Variants in VAC14 observed in about 807,000 individuals in gnomAD.
The protein encoded by VAC14 is protein VAC14 homolog.
In VAC14, 47 loss-of-function variants were observed where a neutral mutation model predicts 85.3. That is an observed-to-expected ratio of 0.55 (90% CI 0.44 to 0.70). The LOEUF is 0.70. Ranked by LOEUF, VAC14 falls within the 30% of genes least tolerant of loss-of-function variation. The probability of loss-of-function intolerance (pLI) is 0.00; values close to 1 mark genes in which losing one functional copy is unlikely to be tolerated. For synonymous variants in VAC14, 447 were observed against 430.5 expected (o/e 1.04, Z -0.47); for missense variants, 861 against 1,004.3 (o/e 0.86, Z 1.93).
chr16:70,764,254 G>A (rs564945995), intron 10 of VAC14, among the ~76,000 whole-genome samples: 207 of 152,236 alleles, frequency 1.4e-3, no homozygotes, highest in Non-Finnish European at 2.6e-3. Context: ...CACATTTCAG[G>A]GGCAAGAGTG....
In VAC14 at chr16:70,707,708, G is replaced by A. The variant is rs143831796; in HGVS notation, c.1662-8897C>T. ...TTCTGAACTGCCCAGGGTGGAGTCA[G>A]ATGACCCTTGCTGCCACGGGAGGGG... On this transcript the variant is annotated intron_variant, in intron 14 of 18. Coordinates refer to ENST00000261776, the MANE Select transcript of VAC14 (RefSeq NM_018052.5). Among the ~76,000 whole-genome samples, 1,159 of 152,278 alleles carry A rather than the reference G, an allele frequency of 7.6e-3. 15 individuals carry two copies. The highest frequency in any genetic ancestry group is 0.026 in the African/African-American group (1,076 of 41,558).
rs2030686650 is a variant in VAC14, at chr16:70,744,582, G to A, written c.1372-3C>T. On this transcript the variant is annotated splice_polypyrimidine_tract_variant and splice_region_variant and intron_variant, in intron 12 of 18. Transcript: ENST00000261776. ...ACCTCCAGGTCCTTCAGGATCACCTGGGGAGAGAAGCGGGGCAGGAGGGAT... is the reference window on the plus strand; with the variant it reads ...ACCTCCAGGTCCTTCAGGATCACCTAGGGAGAGAAGCGGGGCAGGAGGGAT... 6.3e-7 allele frequency: 1 copy of A among 1,590,442 alleles called. No homozygotes were observed. Among genetic ancestry groups the A allele is most frequent in the African/African-American group, 1.3e-5 (1 of 74,392 alleles).
At position 70,698,512 on chromosome 16, in the gene VAC14, G is replaced by C. The variant is rs755738763; in HGVS notation, c.1836+125C>G. ...CCTATTTCCCAGTGGACCAGGGGAA[G>C]TCTCGATTTCAACCCCGTCTTCTCC... is the stretch of plus-strand genomic sequence containing the variant. On this transcript the variant is annotated intron_variant, in intron 15 of 18. Transcript: ENST00000261776. 61 of 1,189,410 alleles carry C rather than the reference G, an allele frequency of 5.1e-5. No homozygotes were observed. The Admixed American group carries it at 1.4e-3, about 28-fold the overall frequency. The allele number at this position is 1,189,410 out of a possible 1,614,324, so 73.7% of individuals were successfully genotyped here. A position where few individuals can be genotyped will look rare whatever the true frequency, so the allele number is the denominator to read the frequency against.
chr16:70,765,244 A>G (rs574335014), intron 10 of VAC14, among the ~76,000 whole-genome samples: 10 of 152,232 alleles, frequency 6.6e-5, no homozygotes, highest in African/African-American at 2.4e-4. Context: ...CTTGGCTGAA[A>G]CAGTACCCCC....
chr16:70,690,363 G>T, intron 18 of VAC14: 2 of 985,678 alleles, frequency 2.0e-6, no homozygotes, highest in East Asian at 1.1e-4. Context: ...CACATCTTCT[G>T]TAGGTCCATA....
At chr16:70,726,726 C>T (rs76762982) in intron 14 of VAC14, among the ~76,000 whole-genome samples, 2,672 of 152,290 alleles carry the variant, frequency 0.018, 72 homozygotes, top group African/African-American at 0.061. Flanking sequence ...TCGCCATCTT[C>T]GCTCTATCTG....
At chr16:70,724,071 A>C (rs2054361167) in intron 14 of VAC14, among the ~76,000 whole-genome samples, 1 of 152,170 alleles carries the variant, frequency 6.6e-6, no homozygotes, top group African/African-American at 2.4e-5. Context: ...GGACCCCGCA[A>C]ACACCAAGAT....
chr16:70,775,336 C>A (rs1015015594), intron 9 of VAC14, among the ~76,000 whole-genome samples: 2 of 152,202 alleles, frequency 1.3e-5, no homozygotes, highest in Non-Finnish European at 2.9e-5. Flanking sequence ...CACCGCTCCC[C>A]GGGGTAGGCA....
At chr16:70,727,936 G>A (rs948421882) in intron 14 of VAC14, among the ~76,000 whole-genome samples, 3 of 152,204 alleles carry the variant, frequency 2.0e-5, no homozygotes, top group Admixed American at 6.5e-5. Context: ...GTGGCTGTCC[G>A]CCAGGATGCA....
intron 2 of VAC14, 52 bp downstream of exon 2, chr16:70,786,163 G>C: frequency 1.3e-6 from 2 of 1,592,208 alleles, no homozygotes; most frequent in East Asian, 4.5e-5. Context: ...GGATGGCTTG[G>C]TCAGCGTCAA....
intron 1 of VAC14, among the ~76,000 whole-genome samples, chr16:70,794,672 A>T (rs2034471354): frequency 6.6e-6 from 1 of 152,210 alleles, no homozygotes; most frequent in African/African-American, 2.4e-5. Context: ...TCACTGTGAA[A>T]TTTCTCAATT....
intron 9 of VAC14, among the ~76,000 whole-genome samples, chr16:70,779,370 T>A (rs935522525): frequency 6.6e-6 from 1 of 152,376 alleles, no homozygotes; most frequent in African/African-American, 2.4e-5. Context: ...TACTCTGTTA[T>A]CCTTAAAGAT....
At chr16:70,758,225 A>G (rs1386256400) in intron 12 of VAC14, among the ~76,000 whole-genome samples, 1 of 152,216 alleles carries the variant, frequency 6.6e-6, no homozygotes, top group Non-Finnish European at 1.5e-5. Flanking sequence ...ACATACTTGT[A>G]ACGACAGACA....
intron 1 of VAC14, 80 bp downstream of exon 1, chr16:70,800,717 T>A: frequency 7.9e-7 from 1 of 1,272,780 alleles, no homozygotes; most frequent in Non-Finnish European, 1.1e-6. Flanking sequence ...TAACCCTGGC[T>A]GGGAAGGCGT....
chr16:70,733,853 T>C (rs1186018324), intron 13 of VAC14, among the ~76,000 whole-genome samples: 1 of 152,168 alleles, frequency 6.6e-6, no homozygotes, highest in Non-Finnish European at 1.5e-5. Context: ...TGAGACAGAG[T>C]CTTGCTTTGT....
At chr16:70,746,797 C>T (rs193227472) in intron 12 of VAC14, among the ~76,000 whole-genome samples, 3 of 152,260 alleles carry the variant, frequency 2.0e-5, no homozygotes, top group Admixed American at 2.0e-4. Flanking sequence ...TGTACAAAGG[C>T]CATGCACACC....
At chr16:70,779,651 G>GA (rs1174732019) in intron 9 of VAC14, among the ~76,000 whole-genome samples, 3 of 150,818 alleles carry the variant, frequency 2.0e-5, no homozygotes, top group African/African-American at 7.4e-5. Context: ...AATTTAACTA[G>GA]AAAAAAAAAT....
chr16:70,793,248 G>A (rs1280884151), intron 1 of VAC14, among the ~76,000 whole-genome samples: 3 of 152,148 alleles, frequency 2.0e-5, no homozygotes, highest in Non-Finnish European at 4.4e-5. Flanking sequence ...TCTAGCGCTG[G>A]TCTTCTGTGA....
chr16:70,768,701 C>A, intron 10 of VAC14: 1 of 403,696 alleles, frequency 2.5e-6, no homozygotes, highest in Non-Finnish European at 5.0e-6. Flanking sequence ...GTGTTTCGGT[C>A]CAAGTGAGAA....
Sources: gnomAD v4.1 joint callset for allele counts (sites outside exome capture counted in the v4.1 genomes callset) on GRCh38, gnomAD v4.1.1 for gene constraint, MANE v1.5 for transcripts, NCBI Gene and HGNC (gene_info 2026-07-23, HGNC 2026-07-21) for gene names.